The following HECW1 variants were observed in gnomAD, a reference collection of about 807,000 sequenced individuals.
HECW1 encodes E3 ubiquitin-protein ligase HECW1.
HECW1 carries 61 observed loss-of-function variants against 182.3 expected under a neutral mutation model. The observed-to-expected ratio is 0.33, with a 90% CI of 0.27 to 0.41. HECW1 has a LOEUF of 0.41. HECW1 is among the 10% of genes least tolerant of loss of function. The pLI is 1.00. For synonymous variants in HECW1, 859 were observed against 832.6 expected, an observed-to-expected ratio of 1.03 and a Z score of -0.55; for missense variants, 1,739 against 2,108.9, an observed-to-expected ratio of 0.82 and a Z score of 3.44.
chr7:43,234,056 G>A (rs1185238992), intron 2 of HECW1, among the ~76,000 whole-genome samples: 4 of 152,210 alleles, frequency 2.6e-5, no homozygotes, highest in South Asian at 2.1e-4. Flanking sequence ...CAAGAGCAGC[G>A]TGCAATATAC....
chr7:43,479,591 T>C lies in HECW1; in HGVS notation c.3100-19T>C, dbSNP rs1232787271. 1 of 1,614,032 alleles carries C rather than the reference T, an allele frequency of 6.2e-7. No individual in the cohort carries two copies. Among genetic ancestry groups the C allele is most frequent in the Non-Finnish European group, 8.5e-7 (1 of 1,179,932 alleles). ...ATTCTCACACCACACGGTGCTTTTT[T>C]TCACTGGTCTGTTCGCAGTCTTTTT... On this transcript the variant is annotated intron_variant, in intron 16 of 29. Transcript: ENST00000395891.
At chr7:43,431,436 T>C (rs2076546236) in intron 8 of HECW1, among the ~76,000 whole-genome samples, 1 of 152,124 alleles carries the variant, frequency 6.6e-6, no homozygotes, top group African/African-American at 2.4e-5. Context: ...CTCTCCCACA[T>C]TCCATAGCTC....
chr7:43,266,868 A>C (rs1363491514), intron 3 of HECW1, among the ~76,000 whole-genome samples: 1 of 152,206 alleles, frequency 6.6e-6, no homozygotes, highest in Non-Finnish European at 1.5e-5. Context: ...AAATAAATAA[A>C]TGTCAGCTTA....
At chr7:43,213,305 G>A (rs1476790817) in intron 2 of HECW1, among the ~76,000 whole-genome samples, 5 of 151,938 alleles carry the variant, frequency 3.3e-5, no homozygotes, top group Non-Finnish European at 7.4e-5. Context: ...TTCATGATAA[G>A]AGACTTTATC....
At chr7:43,287,216 G>A (rs1385709619) in intron 3 of HECW1, among the ~76,000 whole-genome samples, 1 of 151,916 alleles carries the variant, frequency 6.6e-6, no homozygotes, top group African/African-American at 2.4e-5. Flanking sequence ...GCATGGCAAA[G>A]GATGTTACAC....
At chr7:43,298,516 A>T (rs1806318631) in intron 3 of HECW1, among the ~76,000 whole-genome samples, 1 of 152,206 alleles carries the variant, frequency 6.6e-6, no homozygotes, top group African/African-American at 2.4e-5. Context: ...TAATTGAGGC[A>T]CTGACATGAT....
chr7:43,159,901 G>A (rs950930497), intron 2 of HECW1, among the ~76,000 whole-genome samples: 27 of 152,058 alleles, frequency 1.8e-4, no homozygotes, highest in African/African-American at 6.3e-4. Context: ...GGATGGTCTC[G>A]ATGTCCTGAC....
At chr7:43,133,392 T>C (rs551077119) in intron 2 of HECW1, among the ~76,000 whole-genome samples, 1 of 152,184 alleles carries the variant, frequency 6.6e-6, no homozygotes, top group South Asian at 2.1e-4. Context: ...AAAATCTCCT[T>C]GGGCTTTATG....
At chr7:43,231,568 A>G (rs1242949347) in intron 2 of HECW1, among the ~76,000 whole-genome samples, 1 of 152,190 alleles carries the variant, frequency 6.6e-6, no homozygotes, top group Non-Finnish European at 1.5e-5. Flanking sequence ...GGATGGTGCC[A>G]GAGACATACT....
chr7:43,142,333 G>A (rs994629449), intron 2 of HECW1, among the ~76,000 whole-genome samples: 5 of 152,092 alleles, frequency 3.3e-5, no homozygotes, highest in Middle Eastern at 3.2e-3. Context: ...ATTCTTACTC[G>A]CACTCCAGTG....
At chr7:43,428,896 A>G (rs923693114) in intron 8 of HECW1, among the ~76,000 whole-genome samples, 6 of 152,134 alleles carry the variant, frequency 3.9e-5, no homozygotes, top group Admixed American at 1.3e-4. Flanking sequence ...GGAGATATAC[A>G]TATGGATATA....
chr7:43,464,144 T>G (rs944569448), intron 14 of HECW1, among the ~76,000 whole-genome samples: 1 of 152,230 alleles, frequency 6.6e-6, no homozygotes, highest in South Asian at 2.1e-4. Context: ...CATTTATTGT[T>G]AAGTAAATGT....
At chr7:43,407,146 T>C (rs1473060153) in intron 7 of HECW1, among the ~76,000 whole-genome samples, 1 of 152,120 alleles carries the variant, frequency 6.6e-6, no homozygotes, top group Non-Finnish European at 1.5e-5. Context: ...CTCTCCTCAT[T>C]GACTGCACTC....
chr7:43,523,002 T>G, intron 24 of HECW1: 1 of 441,144 alleles, frequency 2.3e-6, no homozygotes, highest in Non-Finnish European at 4.5e-6. Flanking sequence ...TTCTGCTTGT[T>G]TGTTTGTTTG....
At chr7:43,544,964 G>A (rs1477474400) in intron 26 of HECW1, among the ~76,000 whole-genome samples, 2 of 152,186 alleles carry the variant, frequency 1.3e-5, no homozygotes, top group Admixed American at 1.3e-4. Flanking sequence ...CTGTTTACAG[G>A]GAAAAAGAGT....
intron 5 of HECW1, among the ~76,000 whole-genome samples, chr7:43,332,742 G>A (rs1811658682): frequency 6.6e-6 from 1 of 152,198 alleles, no homozygotes; most frequent in African/African-American, 2.4e-5. Flanking sequence ...TAAGGCTACT[G>A]TCCTGAGTAG....
chr7:43,519,555 T>C (rs1223398971), intron 24 of HECW1, among the ~76,000 whole-genome samples: 1 of 152,182 alleles, frequency 6.6e-6, no homozygotes, highest in Non-Finnish European at 1.5e-5. Flanking sequence ...AGTGCAGACT[T>C]TTAAAAGCTA....
chr7:43,534,323 A>C (rs2081096849), intron 24 of HECW1, among the ~76,000 whole-genome samples: 1 of 152,168 alleles, frequency 6.6e-6, no homozygotes, highest in Admixed American at 6.5e-5. Context: ...CATTACAAAA[A>C]CTGCTTTCGT....
At chr7:43,459,284 G>T (rs951045120) in intron 13 of HECW1, among the ~76,000 whole-genome samples, 2 of 152,174 alleles carry the variant, frequency 1.3e-5, no homozygotes, top group Non-Finnish European at 2.9e-5. Flanking sequence ...AGCACCTAGT[G>T]TGGTACCAGA....
Sources: allele counts gnomAD v4.1 joint callset (sites outside exome capture counted in the v4.1 genomes callset), GRCh38; gene constraint gnomAD v4.1.1; transcripts MANE v1.5; gene names NCBI Gene and HGNC (gene_info 2026-07-23, HGNC 2026-07-21).